TMEM132C: variants seen among roughly 807,000 people sequenced by gnomAD.
TMEM132C encodes protein phosphatase 1, regulatory subunit 152.
In TMEM132C, 29 loss-of-function variants were observed where a neutral mutation model predicts 61.4. The ratio of observed to expected loss-of-function variants is 0.47; its 90% CI spans 0.35 to 0.64. The LOEUF is 0.64. Among genes scored for constraint, TMEM132C ranks in the 30% least tolerant of loss-of-function variants. The probability of loss-of-function intolerance (pLI) is 0.00; values close to 1 mark genes in which losing one functional copy is unlikely to be tolerated. For missense variants in TMEM132C, 1,408 were observed against 1,476.9 expected, an observed-to-expected ratio of 0.95 and a Z score of 0.76; for synonymous variants, 656 against 633.1, an observed-to-expected ratio of 1.04 and a Z score of -0.54.
At chr12:128,559,178 G>GAC (rs140182072) in intron 3 of TMEM132C, among the ~76,000 whole-genome samples, 3,260 of 147,756 alleles carry the variant, frequency 0.022, 120 homozygotes, top group African/African-American at 0.076. Context: ...CACACACACA[G>GAC]ACACACACAC....
intron 3 of TMEM132C, among the ~76,000 whole-genome samples, chr12:128,600,192 C>A (rs1876129893): frequency 6.6e-6 from 1 of 152,094 alleles, no homozygotes; most frequent in South Asian, 2.1e-4. Context: ...CCGTGTTAGC[C>A]AGGATGGTCT....
intron 5 of TMEM132C, among the ~76,000 whole-genome samples, chr12:128,681,534 A>T (rs1954634112): frequency 6.6e-6 from 1 of 152,102 alleles, no homozygotes; most frequent in Non-Finnish European, 1.5e-5. Context: ...AAATGAAGTA[A>T]TCAGTATTTT....
chr12:128,588,432 A>C (rs1243655146), intron 3 of TMEM132C, among the ~76,000 whole-genome samples: 1 of 152,174 alleles, frequency 6.6e-6, no homozygotes, highest in African/African-American at 2.4e-5. Context: ...GCTGACTCAA[A>C]AACAAAATTT....
chr12:128,529,032 A>G (rs894731776), intron 2 of TMEM132C, among the ~76,000 whole-genome samples: 6 of 152,150 alleles, frequency 3.9e-5, no homozygotes, highest in African/African-American at 1.4e-4. Context: ...TTGGTGCCCA[A>G]TCAGTATTCC....
intron 2 of TMEM132C, among the ~76,000 whole-genome samples, chr12:128,527,615 AG>A (rs1873129140): frequency 6.6e-6 from 1 of 152,146 alleles, no homozygotes; most frequent in African/African-American, 2.4e-5. Flanking sequence ...CTTTTGCAGC[AG>A]TAACTCTTGA....
Position 128,706,284 on chromosome 12 carries a change from G to T in TMEM132C, c.3316G>T (p.Asp1106Tyr). The T allele has an allele frequency of 6.5e-7, 1 of 1,540,968 alleles. No homozygotes were observed. Residue 1106 changes from aspartate (D) to tyrosine (Y), a missense_variant, in exon 9 of 9, where the codon GAT becomes TAT. By Grantham distance (160) the Asp-to-Tyr change is radical (BLOSUM62 -3). Coordinates refer to ENST00000435159, the MANE Select transcript of TMEM132C (RefSeq NM_001136103.3). ...TAGAAACTATCTGGAGAAACTCAAAGATAAGGCTTAGGCCCCTCTAGCCAA... is the reference window on the plus strand; with the variant it reads ...TAGAAACTATCTGGAGAAACTCAAATATAAGGCTTAGGCCCCTCTAGCCAA... ...ELRNYLEKLK[D>Y]KA is the part of the protein sequence containing the mutation.
At chr12:128,551,015 G>A (rs1015767838) in intron 3 of TMEM132C, among the ~76,000 whole-genome samples, 24 of 152,144 alleles carry the variant, frequency 1.6e-4, no homozygotes, top group African/African-American at 5.8e-4. Context: ...CTGCAGGCTG[G>A]GTCATTGAAA....
intron 2 of TMEM132C, among the ~76,000 whole-genome samples, chr12:128,462,620 C>A (rs987434582): frequency 5.9e-5 from 9 of 152,158 alleles, no homozygotes; most frequent in African/African-American, 2.2e-4. Flanking sequence ...GAAGGAAAGC[C>A]ACACTCTAAC....
In TMEM132C at chr12:128,293,040, T is replaced by G. The variant is rs144420548; in HGVS notation, c.85+25553T>G. 8.4e-4 allele frequency among the ~76,000 whole-genome samples: 127 copies of G among 152,074 alleles called. 2 individuals carry two copies. The East Asian group carries it at 0.018, about 22-fold the overall frequency. The stretch of plus-strand genomic sequence containing the variant: ...AGTAGACCTTGATTTTCAAAAAATT[T>G]GAAAGCCGGACAGCAAGATAATAGT... On this transcript the variant is annotated intron_variant, in intron 1 of 8. Transcript: ENST00000435159.
At chr12:128,660,164 G>A (rs553441369) in intron 4 of TMEM132C, among the ~76,000 whole-genome samples, 3 of 152,254 alleles carry the variant, frequency 2.0e-5, no homozygotes, top group Admixed American at 6.5e-5. Flanking sequence ...GAGAAAACAC[G>A]CTTGAGAGAG....
chr12:128,644,075 G>A (rs2135601335), intron 4 of TMEM132C, among the ~76,000 whole-genome samples: 1 of 152,300 alleles, frequency 6.6e-6, no homozygotes, highest in East Asian at 1.9e-4. Context: ...CACGACAAAA[G>A]CTAAGATGGA....
chr12:128,421,887 G>A (rs185146164), intron 2 of TMEM132C, among the ~76,000 whole-genome samples: 5 of 152,220 alleles, frequency 3.3e-5, no homozygotes, highest in Admixed American at 2.0e-4. Context: ...CCATCTCTCT[G>A]TTCACTGCTA....
chr12:128,351,591 G>A (rs1016726061), intron 1 of TMEM132C, among the ~76,000 whole-genome samples: 1 of 152,128 alleles, frequency 6.6e-6, no homozygotes, highest in Admixed American at 6.5e-5. Flanking sequence ...TCTGGATCTG[G>A]GGAGGCCCTC....
chr12:128,594,918 G>A (rs1453111721), intron 3 of TMEM132C, among the ~76,000 whole-genome samples: 1 of 152,158 alleles, frequency 6.6e-6, no homozygotes, highest in Admixed American at 6.5e-5. Flanking sequence ...GAACAGCTAC[G>A]GCCTCAGTGC....
chr12:128,267,682 G>A (rs968202392), intron 1 of TMEM132C, among the ~76,000 whole-genome samples, 195 bp downstream of exon 1: 1 of 152,170 alleles, frequency 6.6e-6, no homozygotes, highest in African/African-American at 2.4e-5. Context: ...GCCGGGATCC[G>A]GGCAAGTTAG....
At chr12:128,306,348 C>T (rs1871781883) in intron 1 of TMEM132C, among the ~76,000 whole-genome samples, 1 of 151,888 alleles carries the variant, frequency 6.6e-6, no homozygotes, top group Non-Finnish European at 1.5e-5. Context: ...ACTACAGGTG[C>T]CCGCCACCAC....
chr12:128,573,073 A>G (rs2136173474), intron 3 of TMEM132C, among the ~76,000 whole-genome samples: 1 of 152,318 alleles, frequency 6.6e-6, no homozygotes, highest in African/African-American at 2.4e-5. Context: ...AACTAGAAAT[A>G]CCATTTGACC....
chr12:128,476,887 T>C (rs1871171186), intron 2 of TMEM132C, among the ~76,000 whole-genome samples: 1 of 152,240 alleles, frequency 6.6e-6, no homozygotes, highest in Admixed American at 6.5e-5. Flanking sequence ...ACTTCCCACG[T>C]TCTGTAGGAA....
At chr12:128,309,839 G>A (rs1393883856) in intron 1 of TMEM132C, among the ~76,000 whole-genome samples, 1 of 151,710 alleles carries the variant, frequency 6.6e-6, no homozygotes, top group Admixed American at 6.6e-5. Context: ...GGCTTCAAGC[G>A]ATTCCCCTGC....
Sources: allele counts gnomAD v4.1 joint callset (sites outside exome capture counted in the v4.1 genomes callset), GRCh38; gene constraint gnomAD v4.1.1; transcripts MANE v1.5; gene names NCBI Gene and HGNC (gene_info 2026-07-23, HGNC 2026-07-21).